MCPH1: variants seen among roughly 807,000 people sequenced by gnomAD.
MCPH1 encodes microcephalin 1, also known as microcephalin.
In MCPH1, 104 loss-of-function variants were observed where a neutral mutation model predicts 84.5. The observed-to-expected ratio is 1.23, with a 90% CI of 1.05 to 1.45. MCPH1 has a LOEUF of 1.45. Ranked by LOEUF, MCPH1 falls within the 40% of genes most tolerant of loss-of-function variation. The pLI is 0.00. For missense variants in MCPH1, 1,498 were observed against 1,005.7 expected, an observed-to-expected ratio of 1.49 and a Z score of -6.62; for synonymous variants, 514 against 366.8, an observed-to-expected ratio of 1.40 and a Z score of -4.58.
intron 12 of MCPH1, among the ~76,000 whole-genome samples, chr8:6,593,709 C>T (rs1355163435): frequency 1.3e-5 from 2 of 152,138 alleles, no homozygotes; most frequent in African/African-American, 4.8e-5. Flanking sequence ...CGGTCTTAGG[C>T]ACCCTTATAA....
Position 6,581,215 on chromosome 8 carries a change from T to G in MCPH1, c.2215-40239T>G, listed in dbSNP as rs546813221. ...ACTGTGTATTATTTTCATAACCCAT[T>G]TCTGCCTAGTGTTCCATTAGTGGAA... On this transcript the variant is annotated intron_variant, in intron 12 of 13. Transcript: ENST00000344683. 2.6e-5 allele frequency among the ~76,000 whole-genome samples: 4 copies of G among 152,318 alleles called. No homozygotes were observed. In the South Asian group the frequency reaches 8.3e-4, roughly 32 times the overall value.
intron 11 of MCPH1, among the ~76,000 whole-genome samples, chr8:6,492,116 C>T (rs2866887): frequency 6.6e-6 from 1 of 152,208 alleles, no homozygotes; most frequent in Non-Finnish European, 1.5e-5. Flanking sequence ...GTTCCTATTT[C>T]TCCACATCCT....
chr8:6,613,514 G>A (rs1314782376), intron 12 of MCPH1, among the ~76,000 whole-genome samples: 1 of 151,994 alleles, frequency 6.6e-6, no homozygotes, highest in African/African-American at 2.4e-5. Flanking sequence ...GGAGTCAGTC[G>A]CATCCGCTGG....
intron 11 of MCPH1, among the ~76,000 whole-genome samples, chr8:6,488,907 G>T (rs78779487): frequency 0.045 from 6,822 of 152,088 alleles, 315 homozygotes; most frequent in African/African-American, 0.12. Context: ...AGGTGGAGAG[G>T]AGAGAGCAGG....
At chr8:6,446,981 C>T (rs1585827961) in intron 8 of MCPH1, 2 of 985,342 alleles carry the variant, frequency 2.0e-6, no homozygotes, top group Non-Finnish European at 2.4e-6. Context: ...GAGGTTTTTT[C>T]GCTCAGTGGT....
chr8:6,638,657 C>G (rs1486386219), intron 13 of MCPH1, among the ~76,000 whole-genome samples: 4 of 151,846 alleles, frequency 2.6e-5, no homozygotes, highest in Non-Finnish European at 4.4e-5. Flanking sequence ...CTATTCATCT[C>G]TGTCTCCACC....
At chr8:6,419,760 A>G (rs1799895714) in intron 3 of MCPH1, among the ~76,000 whole-genome samples, 1 of 152,028 alleles carries the variant, frequency 6.6e-6, no homozygotes, top group South Asian at 2.1e-4. Context: ...CAGCCTCTCA[A>G]AGTGCTGGGA....
At chr8:6,417,485 C>G (rs188884028) in intron 3 of MCPH1, among the ~76,000 whole-genome samples, 1 of 152,190 alleles carries the variant, frequency 6.6e-6, no homozygotes, top group Non-Finnish European at 1.5e-5. Flanking sequence ...TGCATTTGTC[C>G]ATAGTGCTCT....
At chr8:6,406,824 C>CT in intron 1 of MCPH1, 135 bp downstream of exon 1, 2 of 851,106 alleles carry the variant, frequency 2.3e-6, no homozygotes, top group Non-Finnish European at 3.8e-6. Flanking sequence ...CCCAGACCCC[C>CT]TGCCGCCTCC....
Position 6,435,630 on chromosome 8 carries a change from TCACCTGGG to T in MCPH1, c.322-415_322-408del, listed in dbSNP as rs968196145. Among the ~76,000 whole-genome samples the T allele has an allele frequency of 1.2e-4, 19 of 152,170 alleles. 1 individual carries two copies. The highest frequency in any genetic ancestry group is 1.2e-3 in the Admixed American group (19 of 15,280). ...TTCTGCCCGTGGTTACATGCTTGGT[TCACCTGGG>T]CATGCTCAAGTGACGTAACTTGCAA... On this transcript the variant is annotated intron_variant, in intron 4 of 13. Transcript: ENST00000344683.
intron 12 of MCPH1, among the ~76,000 whole-genome samples, chr8:6,534,408 C>T (rs1820131297): frequency 6.6e-6 from 1 of 152,068 alleles, no homozygotes; most frequent in Non-Finnish European, 1.5e-5. Flanking sequence ...TTTTGGTATT[C>T]TCGGGAATCT....
At chr8:6,420,949 G>C (rs374780796) in intron 3 of MCPH1, among the ~76,000 whole-genome samples, 3 of 152,298 alleles carry the variant, frequency 2.0e-5, no homozygotes, top group South Asian at 4.2e-4. Context: ...AGAACAGAAA[G>C]AAAGGAAAGT....
chr8:6,542,710 G>C (rs1234884838), intron 12 of MCPH1, among the ~76,000 whole-genome samples: 1 of 151,844 alleles, frequency 6.6e-6, no homozygotes, highest in Admixed American at 6.6e-5. Context: ...CCCTGTTTTT[G>C]CTGTCTCTTT....
intron 13 of MCPH1, among the ~76,000 whole-genome samples, chr8:6,622,403 G>T (rs950547576): frequency 1.3e-5 from 2 of 152,190 alleles, no homozygotes; most frequent in African/African-American, 4.8e-5. Context: ...GTGAAGCAAG[G>T]ACGGCCTGGG....
intron 13 of MCPH1, among the ~76,000 whole-genome samples, chr8:6,641,919 A>T (rs561170973): frequency 5.6e-4 from 85 of 152,286 alleles, no homozygotes; most frequent in African/African-American, 1.9e-3. Context: ...TCTGAAATTC[A>T]TCTGAGGGTC....
At chr8:6,566,907 C>T (rs933251057) in intron 12 of MCPH1, among the ~76,000 whole-genome samples, 11 of 145,852 alleles carry the variant, frequency 7.5e-5, no homozygotes, top group African/African-American at 2.3e-4. Context: ...CATGTGTGAT[C>T]GGCAAGGCCA....
At chr8:6,439,767 A>AT (rs1182460867) in intron 6 of MCPH1, among the ~76,000 whole-genome samples, 1 of 152,146 alleles carries the variant, frequency 6.6e-6, no homozygotes, top group African/African-American at 2.4e-5. Flanking sequence ...TTTGTTTTTC[A>AT]TTATTTCTTT....
intron 12 of MCPH1, among the ~76,000 whole-genome samples, chr8:6,614,729 G>A (rs984304278): frequency 2.6e-5 from 4 of 152,162 alleles, no homozygotes; most frequent in Non-Finnish European, 4.4e-5. Context: ...TCAAAACCTC[G>A]ACAGCTGAGC....
At chr8:6,449,447 A>C (rs1804815700) in intron 8 of MCPH1, among the ~76,000 whole-genome samples, 1 of 152,174 alleles carries the variant, frequency 6.6e-6, no homozygotes, top group South Asian at 2.1e-4. Context: ...CAACCTGACC[A>C]ACATAGTGAA....
Sources: allele counts gnomAD v4.1 joint callset (sites outside exome capture counted in the v4.1 genomes callset), GRCh38; gene constraint gnomAD v4.1.1; transcripts MANE v1.5; gene names NCBI Gene and HGNC (gene_info 2026-07-23, HGNC 2026-07-21).